The following CCDC60 variants were observed in gnomAD, a reference collection of about 807,000 sequenced individuals.
The protein encoded by CCDC60 is coiled-coil domain containing 60.
In CCDC60, 54 loss-of-function variants were observed where a neutral mutation model predicts 63.5. The ratio of observed to expected loss-of-function variants is 0.85; its 90% CI spans 0.68 to 1.07. The LOEUF is 1.07. CCDC60 is among the 50% of genes least tolerant of loss of function. The probability of loss-of-function intolerance (pLI) is 0.00; values close to 1 mark genes in which losing one functional copy is unlikely to be tolerated. For synonymous variants in CCDC60, 206 were observed against 238.8 expected, an observed-to-expected ratio of 0.86 and a Z score of 1.27; for missense variants, 651 against 684.3, an observed-to-expected ratio of 0.95 and a Z score of 0.54.
rs1951518339 is a variant in CCDC60 at position 119,488,861 on chromosome 12, C to T, written c.552C>T (p.Asn184=). 1.2e-6 allele frequency: 2 copies of T among 1,613,308 alleles called. No individual in the cohort carries two copies. Among genetic ancestry groups the T allele is most frequent in the Non-Finnish European group, 1.7e-6 (2 of 1,179,212 alleles). The change falls in exon 5 of 14, where the codon AAC becomes AAT. Residue 184 remains asparagine, a synonymous_variant. Coordinates refer to ENST00000327554, the MANE Select transcript of CCDC60 (RefSeq NM_178499.5). ...HTMKPVITCW[N]PKDPGGSKST... ...TGAAGCCTGTGATCACCTGCTGGAACCCAAAGTATGCCTCAGCCCTTCAAC... is the reference window on the plus strand; with the variant it reads ...TGAAGCCTGTGATCACCTGCTGGAATCCAAAGTATGCCTCAGCCCTTCAAC...
At chr12:119,413,454 A>G (rs1448859930) in intron 1 of CCDC60, among the ~76,000 whole-genome samples, 1 of 152,112 alleles carries the variant, frequency 6.6e-6, no homozygotes, top group Non-Finnish European at 1.5e-5. Flanking sequence ...CGGGGGGAAC[A>G]TTTTCGTGAT....
At chr12:119,447,678 C>T (rs891139985) in intron 2 of CCDC60, 2 of 152,190 alleles carry the variant, frequency 1.3e-5, no homozygotes, top group Non-Finnish European at 2.9e-5. Flanking sequence ...CATATTGAAC[C>T]GGTTTATCTC....
chr12:119,418,306 A>G (rs1465072907), intron 1 of CCDC60, among the ~76,000 whole-genome samples: 3 of 151,016 alleles, frequency 2.0e-5, no homozygotes, highest in African/African-American at 7.3e-5. Flanking sequence ...TCTCCTTCAT[A>G]GTCACAATAC....
At chr12:119,506,702 G>GA (rs567250771) in intron 7 of CCDC60, among the ~76,000 whole-genome samples, 1 of 152,080 alleles carries the variant, frequency 6.6e-6, no homozygotes, top group South Asian at 2.1e-4. Context: ...CCTCACACAA[G>GA]AAAAAAATTC....
At chr12:119,442,865 TAA>T (rs1252404311) in intron 2 of CCDC60, among the ~76,000 whole-genome samples, 2 of 152,192 alleles carry the variant, frequency 1.3e-5, no homozygotes, top group Non-Finnish European at 2.9e-5. Flanking sequence ...TGAAACAAAA[TAA>T]ACTTTTCTCA....
At chr12:119,350,889 C>T (rs1011917149) in intron 1 of CCDC60, among the ~76,000 whole-genome samples, 1 of 152,144 alleles carries the variant, frequency 6.6e-6, no homozygotes, top group Admixed American at 6.5e-5. Flanking sequence ...ACATCTGATC[C>T]CCAGGTTTCA....
At chr12:119,523,935 C>G (rs1484637813) in intron 11 of CCDC60, 117 bp downstream of exon 11, 4 of 1,049,770 alleles carry the variant, frequency 3.8e-6, no homozygotes, top group African/African-American at 3.2e-5. Flanking sequence ...GTTCTCTGTC[C>G]TCAGGGAGCT....
intron 4 of CCDC60, among the ~76,000 whole-genome samples, chr12:119,487,714 ATAATAATTCAT>A (rs1449387628): frequency 3.3e-5 from 5 of 152,210 alleles, no homozygotes; most frequent in African/African-American, 1.2e-4. Context: ...TAAAATGTGC[ATAATAATTCAT>A]ACTCCAGCAG....
rs74446684 is a variant in CCDC60, at chr12:119,438,491, C to A, written c.170+9729C>A. On this transcript the variant is annotated intron_variant, in intron 2 of 13. Coordinates refer to ENST00000327554, the MANE Select transcript of CCDC60 (RefSeq NM_178499.5). ...CTGGCATTGGAGTCAGCTGTGGGTTCAAATCCTAACTCTTCCAGTTATTAG... is the reference window on the plus strand; with the variant it reads ...CTGGCATTGGAGTCAGCTGTGGGTTAAAATCCTAACTCTTCCAGTTATTAG... 8.8e-3 allele frequency among the ~76,000 whole-genome samples: 1,343 copies of A among 152,284 alleles called. 22 individuals are homozygous for A. The highest frequency in any genetic ancestry group is 0.03 in the African/African-American group (1,260 of 41,554).
intron 1 of CCDC60, among the ~76,000 whole-genome samples, chr12:119,384,937 T>TGG (rs35039180): frequency 2.6e-5 from 4 of 152,112 alleles, no homozygotes; most frequent in Non-Finnish European, 5.9e-5. Flanking sequence ...AAACATTGAG[T>TGG]GGGGGGGCTG....
intron 7 of CCDC60, among the ~76,000 whole-genome samples, chr12:119,509,644 A>AATGATGATGATG (rs60115763): frequency 3.7e-4 from 56 of 150,934 alleles, no homozygotes; most frequent in African/African-American, 1.1e-3. Flanking sequence ...TTTTCTTTAG[A>AATGATGATGATG]ATGATGATGA....
chr12:119,471,611 G>A (rs1331303231), intron 2 of CCDC60, among the ~76,000 whole-genome samples: 1 of 152,168 alleles, frequency 6.6e-6, no homozygotes, highest in Admixed American at 6.5e-5. Flanking sequence ...TCAAGGACTT[G>A]GCCAAGGTCT....
intron 1 of CCDC60, among the ~76,000 whole-genome samples, chr12:119,423,503 A>G (rs913360393): frequency 1.3e-5 from 2 of 152,194 alleles, no homozygotes; most frequent in African/African-American, 2.4e-5. Context: ...AGCAGGCACC[A>G]TCAGGAACTG....
At chr12:119,519,544 C>T (rs903017202) in intron 8 of CCDC60, among the ~76,000 whole-genome samples, 1 of 149,950 alleles carries the variant, frequency 6.7e-6, no homozygotes, top group Admixed American at 6.7e-5. Flanking sequence ...ATCACTGCAA[C>T]CTCTGCCTCC....
intron 7 of CCDC60, among the ~76,000 whole-genome samples, chr12:119,511,146 C>G (rs569883810): frequency 1.3e-5 from 2 of 152,300 alleles, no homozygotes; most frequent in South Asian, 4.1e-4. Context: ...GCCTCCCAAA[C>G]CTTTTCCTCC....
intron 4 of CCDC60, among the ~76,000 whole-genome samples, chr12:119,488,494 A>G (rs1244105975): frequency 6.6e-6 from 1 of 152,128 alleles, no homozygotes; most frequent in Admixed American, 6.5e-5. Flanking sequence ...AATGGGCTCT[A>G]TCACCTACTG....
chr12:119,522,282 G>A (rs1254635837), intron 9 of CCDC60, among the ~76,000 whole-genome samples: 1 of 152,150 alleles, frequency 6.6e-6, no homozygotes, highest in Non-Finnish European at 1.5e-5. Context: ...GGGGGTGGTG[G>A]GCAGGGGTAG....
intron 5 of CCDC60, among the ~76,000 whole-genome samples, chr12:119,498,819 T>G (rs1449841736): frequency 6.6e-6 from 1 of 152,188 alleles, no homozygotes; most frequent in Non-Finnish European, 1.5e-5. Flanking sequence ...TCAATCGATA[T>G]GTAAAGGTAG....
intron 5 of CCDC60, among the ~76,000 whole-genome samples, chr12:119,494,649 G>C (rs2136394497): frequency 6.6e-6 from 1 of 152,260 alleles, no homozygotes; most frequent in Admixed American, 6.5e-5. Flanking sequence ...ACACATATGA[G>C]TAAAAGGCAA....
Sources: gnomAD v4.1 joint callset for allele counts (sites outside exome capture counted in the v4.1 genomes callset) on GRCh38, gnomAD v4.1.1 for gene constraint, MANE v1.5 for transcripts, NCBI Gene and HGNC (gene_info 2026-07-23, HGNC 2026-07-21) for gene names.